Variants in GRIK2 observed in about 807,000 individuals in gnomAD.
GRIK2 encodes the protein glutamate receptor ionotropic, kainate 2.
Under a neutral mutation model 100.3 loss-of-function variants are expected in GRIK2, and 32 were observed. That is an observed-to-expected ratio of 0.32 (90% CI 0.24 to 0.43). The LOEUF is 0.43. Among genes scored for constraint, GRIK2 ranks in the 20% least tolerant of loss-of-function variants. The pLI is 1.00. For missense variants in GRIK2, 843 were observed against 1,114.9 expected (o/e 0.76, Z 3.47); for synonymous variants, 417 against 389.4 (o/e 1.07, Z -0.83).
rs540836601 is a variant in GRIK2, at chr6:101,870,206, T to C, written c.1524+10713T>C. Among the ~76,000 whole-genome samples, 86 of 152,054 alleles carry C rather than the reference T, an allele frequency of 5.7e-4. 1 individual carries two copies. Among genetic ancestry groups the C allele is most frequent in the African/African-American group, 2.0e-3 (83 of 41,458 alleles). On this transcript the variant is annotated intron_variant, in intron 11 of 16. Transcript: ENST00000369134. Reference sequence around the variant, plus strand: ...ATTTAGATTTAAAATATTCTCATTTTACTTTGTGGCTTTCAATACATACAT... The same window carrying C: ...ATTTAGATTTAAAATATTCTCATTTCACTTTGTGGCTTTCAATACATACAT...
At chr6:101,626,313 A>T in intron 3 of GRIK2, 67 bp from the exon 4 acceptor site, 1 of 1,333,628 alleles carries the variant, frequency 7.5e-7, no homozygotes, top group East Asian at 2.3e-5. Context: ...TAAAATAATA[A>T]TGTGGTATCT....
chr6:101,529,330 C>T (rs142647798), intron 2 of GRIK2, among the ~76,000 whole-genome samples: 191 of 152,044 alleles, frequency 1.3e-3, no homozygotes, highest in Non-Finnish European at 2.2e-3. Context: ...TATTCTCACC[C>T]GATAATTCCA....
In GRIK2 at chr6:101,830,711, A is replaced by G. The variant is rs142812683; in HGVS notation, c.1317+12228A>G. On this transcript the variant is annotated intron_variant, in intron 10 of 16. Transcript: ENST00000369134. ...GCTATTATTAAAAAAGTAAAAAAAA[A>G]AACCCACAGATGCTGGTGAGGTGGG... is the stretch of plus-strand genomic sequence containing the variant. Among the ~76,000 whole-genome samples, 1,162 of 151,954 alleles carry G rather than the reference A, an allele frequency of 7.6e-3. 7 individuals are homozygous for G. The highest frequency in any genetic ancestry group is 9.7e-3 in the Non-Finnish European group (659 of 67,868).
At chr6:101,908,545 G>A (rs117718876) in intron 12 of GRIK2, among the ~76,000 whole-genome samples, 12,996 of 150,762 alleles carry the variant, frequency 0.086, 772 homozygotes, top group Middle Eastern at 0.21. Flanking sequence ...AAAATTTTAG[G>A]ACCTATAAGT....
chr6:101,534,329 T>C (rs1295283963), intron 2 of GRIK2, among the ~76,000 whole-genome samples: 1 of 151,940 alleles, frequency 6.6e-6, no homozygotes, highest in Non-Finnish European at 1.5e-5. Flanking sequence ...CAGAAAAGCT[T>C]CAGCCAATTT....
At chr6:101,835,513 C>A (rs1783017830) in intron 10 of GRIK2, among the ~76,000 whole-genome samples, 1 of 143,388 alleles carries the variant, frequency 7.0e-6, no homozygotes, top group African/African-American at 2.7e-5. Flanking sequence ...CTCTGTCGCC[C>A]AGGCAGGATT....
chr6:101,639,462 A>T (rs1236632183), intron 4 of GRIK2, among the ~76,000 whole-genome samples: 1 of 152,078 alleles, frequency 6.6e-6, no homozygotes. Flanking sequence ...ACTTATTTTT[A>T]GTTAAGTATT....
At chr6:101,499,844 A>G (rs921128447) in intron 2 of GRIK2, among the ~76,000 whole-genome samples, 5 of 152,160 alleles carry the variant, frequency 3.3e-5, no homozygotes, top group Admixed American at 3.3e-4. Context: ...AGTGCTTGGC[A>G]ATCAGTTGGT....
chr6:101,415,393 C>T (rs1295849566), intron 2 of GRIK2, among the ~76,000 whole-genome samples: 4 of 112,382 alleles, frequency 3.6e-5, no homozygotes, highest in East Asian at 2.7e-4. Flanking sequence ...TTTTTTGAGA[C>T]GGCGTCTTGC....
intron 4 of GRIK2, among the ~76,000 whole-genome samples, chr6:101,671,902 G>A (rs567053424): frequency 8.5e-5 from 13 of 152,070 alleles, no homozygotes; most frequent in Admixed American, 3.9e-4. Context: ...TTTAAAAATA[G>A]CTAGACTTCA....
At chr6:101,726,548 G>A (rs1206987816) in intron 7 of GRIK2, among the ~76,000 whole-genome samples, 2 of 151,940 alleles carry the variant, frequency 1.3e-5, no homozygotes, top group Non-Finnish European at 2.9e-5. Context: ...CTAAACCTAT[G>A]ACAGTTATAT....
chr6:101,417,666 G>A (rs1387552732), intron 2 of GRIK2, among the ~76,000 whole-genome samples: 1 of 152,188 alleles, frequency 6.6e-6, no homozygotes, highest in Non-Finnish European at 1.5e-5. Flanking sequence ...ATTGCCGTAT[G>A]TTAGCCTTTG....
At chr6:101,789,770 G>T (rs1779709296) in intron 7 of GRIK2, among the ~76,000 whole-genome samples, 1 of 152,116 alleles carries the variant, frequency 6.6e-6, no homozygotes, top group Non-Finnish European at 1.5e-5. Flanking sequence ...GATGGGAATG[G>T]CATTGAATCT....
chr6:101,496,957 T>C (rs2128271059), intron 2 of GRIK2, among the ~76,000 whole-genome samples: 1 of 152,280 alleles, frequency 6.6e-6, no homozygotes, highest in Admixed American at 6.5e-5. Context: ...CTAAGTAGGC[T>C]GAAAAATAAT....
At position 101,526,041 on chromosome 6, in the gene GRIK2, T is replaced by G. The variant is rs374113910; in HGVS notation, c.116-95908T>G. ...GCGTGGATAAACCAGAAGATGCGAC[T>G]GAAATGATGTCTGGAAAGAGCAGCA... On this transcript the variant is annotated intron_variant, in intron 2 of 16. Coordinates refer to ENST00000369134, the MANE Select transcript of GRIK2 (RefSeq NM_021956.5). 5.3e-5 allele frequency among the ~76,000 whole-genome samples: 8 copies of G among 152,328 alleles called. No homozygotes were observed. The East Asian group carries it at 7.7e-4, about 15-fold the overall frequency.
At chr6:102,027,005 A>G (rs1475852871) in intron 14 of GRIK2, among the ~76,000 whole-genome samples, 2 of 151,286 alleles carry the variant, frequency 1.3e-5, no homozygotes, top group Non-Finnish European at 1.5e-5. Flanking sequence ...ATGTTCCAGT[A>G]TTGTTGGTAA....
chr6:101,820,711 G>A (rs112162294), intron 10 of GRIK2, among the ~76,000 whole-genome samples: 2 of 152,234 alleles, frequency 1.3e-5, no homozygotes, highest in African/African-American at 2.4e-5. Context: ...CAAAGTGTTC[G>A]GATTATAGGC....
intron 7 of GRIK2, among the ~76,000 whole-genome samples, chr6:101,704,027 A>T (rs970801168): frequency 1.3e-5 from 2 of 151,738 alleles, no homozygotes; most frequent in Non-Finnish European, 2.9e-5. Context: ...GAGCAAAATT[A>T]TCTTTTTGGA....
intron 10 of GRIK2, among the ~76,000 whole-genome samples, chr6:101,823,601 T>A (rs1157970731): frequency 1.3e-5 from 2 of 152,140 alleles, no homozygotes; most frequent in African/African-American, 4.8e-5. Context: ...TCATTTATGA[T>A]GATTTTATTT....
Sources: allele counts gnomAD v4.1 joint callset (sites outside exome capture counted in the v4.1 genomes callset), GRCh38; gene constraint gnomAD v4.1.1; transcripts MANE v1.5; gene names NCBI Gene and HGNC (gene_info 2026-07-23, HGNC 2026-07-21).